The following FBXL4 variants were observed in gnomAD, a reference collection of about 807,000 sequenced individuals.
FBXL4 encodes F-box and leucine rich repeat protein 4, also known as F-box/LRR-repeat protein 4.
A neutral mutation model predicts 58.9 loss-of-function variants in FBXL4; 40 were observed. The ratio of observed to expected loss-of-function variants is 0.68; its 90% CI spans 0.53 to 0.88. The LOEUF is 0.88. Among genes scored for constraint, FBXL4 ranks in the 40% least tolerant of loss-of-function variants. The pLI, the probability that FBXL4 is intolerant of heterozygous loss-of-function variation, is 0.00. For synonymous variants in FBXL4, 263 were observed against 265.5 expected (o/e 0.99, Z 0.09); for missense variants, 676 against 734.4 (o/e 0.92, Z 0.92).
intron 5 of FBXL4, among the ~76,000 whole-genome samples, chr6:98,909,194 A>C (rs1003976721): frequency 2.0e-5 from 3 of 152,212 alleles, no homozygotes; most frequent in African/African-American, 7.2e-5. Flanking sequence ...TTGGCTGTAT[A>C]CTGGACCACC....
intron 8 of FBXL4, among the ~76,000 whole-genome samples, chr6:98,877,023 T>C (rs1278328130): frequency 2.0e-5 from 3 of 152,094 alleles, no homozygotes; most frequent in Non-Finnish European, 4.4e-5. Context: ...AGAAGGAAGC[T>C]CATTGAAGAG....
intron 4 of FBXL4, among the ~76,000 whole-genome samples, chr6:98,923,839 A>G (rs1772675936): frequency 6.6e-6 from 1 of 152,078 alleles, no homozygotes. Context: ...TTTTTTTCAT[A>G]TATATTTTCC....
At chr6:98,927,257 C>T (rs1210902698) in intron 3 of FBXL4, among the ~76,000 whole-genome samples, 197 bp from the exon 4 acceptor site, 1 of 151,954 alleles carries the variant, frequency 6.6e-6, no homozygotes, top group Non-Finnish European at 1.5e-5. Context: ...TATTGTTATG[C>T]ATACAATATG....
Position 98,874,367 on chromosome 6 carries a change from A to C in FBXL4, c.1777T>G (p.Ser593Ala). The C allele has an allele frequency of 6.2e-7, 1 of 1,613,454 alleles. No homozygotes were observed. Among genetic ancestry groups the C allele is most frequent in the Non-Finnish European group, 8.5e-7 (1 of 1,179,716 alleles). Reference protein sequence around the residue: ...SCKDLSLLDVSFCSQIDNRAV... With the variant: ...SCKDLSLLDVAFCSQIDNRAV... ...CTGTTATCAATCTGCGAACAGAAGG[A>C]CACATCAAGTAAAGAAAGATCTTTA... The change falls in exon 10 of 10, where the codon TCC (serine) becomes GCC (alanine). Residue 593 changes from serine (S) to alanine (A), a missense_variant. Coordinates refer to ENST00000369244, the MANE Select transcript of FBXL4 (RefSeq NM_001278716.2).
intron 5 of FBXL4, among the ~76,000 whole-genome samples, chr6:98,910,877 T>C (rs935174805): frequency 6.6e-5 from 10 of 152,108 alleles, no homozygotes; most frequent in Non-Finnish European, 1.2e-4. Context: ...GGGCGAGGCA[T>C]TGCCTCACTT....
intron 8 of FBXL4, among the ~76,000 whole-genome samples, chr6:98,878,736 A>T (rs549138388): frequency 6.6e-6 from 1 of 152,228 alleles, no homozygotes; most frequent in African/African-American, 2.4e-5. Context: ...AACAAGCAGA[A>T]TAAGGTACAT....
At chr6:98,897,364 ATC>A in intron 7 of FBXL4, 1 of 984,152 alleles carries the variant, frequency 1.0e-6, no homozygotes, top group Non-Finnish European at 1.2e-6. Flanking sequence ...GGCTAATATC[ATC>A]TGGCATTCAG....
chr6:98,876,375 C>G (rs188870385), intron 8 of FBXL4, among the ~76,000 whole-genome samples: 23 of 152,220 alleles, frequency 1.5e-4, no homozygotes, highest in Non-Finnish European at 2.8e-4. Flanking sequence ...GCTTTACATG[C>G]TTTAATAATG....
intron 5 of FBXL4, among the ~76,000 whole-genome samples, chr6:98,908,035 G>A (rs563219381): frequency 6.6e-6 from 1 of 152,202 alleles, no homozygotes; most frequent in African/African-American, 2.4e-5. Flanking sequence ...TACCTAGAAC[G>A]ATTGAATAAT....
rs534664847 is a variant in FBXL4 at position 98,896,827 on chromosome 6, C to A, written c.1317+2441G>T. 2.4e-5 allele frequency: 24 copies of A among 983,276 alleles called. No homozygotes were observed. In the South Asian group the frequency reaches 1.1e-3, roughly 44 times the overall value. 60.9% of individuals were successfully genotyped at this position (983,276 alleles called of 1,614,324 possible). ...GAAACCAGAGCTTATGCTATCTAGA[C>A]CTAGGTACATATGTATAAATTTCCA... On this transcript the variant is annotated intron_variant, in intron 7 of 9. Transcript: ENST00000369244.
intron 4 of FBXL4, among the ~76,000 whole-genome samples, 190 bp downstream of exon 4, chr6:98,926,287 T>C (rs1006440700): frequency 3.3e-5 from 5 of 152,196 alleles, no homozygotes; most frequent in African/African-American, 9.6e-5. Flanking sequence ...TATGAGGTAT[T>C]ACAGGTATAA....
rs756894323 is a variant in FBXL4 at position 98,880,548 on chromosome 6, C to T, written c.1389+5G>A. On this transcript the variant is annotated splice_donor_5th_base_variant and intron_variant, in intron 8 of 9. Coordinates refer to ENST00000369244, the MANE Select transcript of FBXL4 (RefSeq NM_001278716.2). ...GAGTAGTATAAAGAATTCTCAAACA[C>T]TTACCATGACACAACTGCCTAAACT... The T allele has an allele frequency of 1.9e-6, 3 of 1,613,130 alleles. No homozygotes were observed. The highest frequency in any genetic ancestry group is 2.5e-6 in the Non-Finnish European group (3 of 1,179,220).
chr6:98,893,443 C>T (rs1771300578), intron 7 of FBXL4, among the ~76,000 whole-genome samples: 1 of 151,966 alleles, frequency 6.6e-6, no homozygotes, highest in Admixed American at 6.6e-5. Flanking sequence ...GTGTGTGTCC[C>T]CTAATCTCCT....
intron 6 of FBXL4, among the ~76,000 whole-genome samples, chr6:98,899,811 A>G (rs1305847603): frequency 6.6e-6 from 1 of 152,206 alleles, no homozygotes; most frequent in Non-Finnish European, 1.5e-5. Context: ...CAAAAACAAA[A>G]AAAAACAGCA....
Position 98,937,688 on chromosome 6 carries a change from T to C in FBXL4, c.-308-2809A>G, listed in dbSNP as rs555351314. Among the ~76,000 whole-genome samples, 17 of 152,268 alleles carry C rather than the reference T, an allele frequency of 1.1e-4. No individual in the cohort carries two copies. In the South Asian group the frequency reaches 2.5e-3, roughly 22 times the overall value. On this transcript the variant is annotated intron_variant, in intron 1 of 9. Transcript: ENST00000369244. ...GGTGCAATTTTGTGGAAATATACTA[T>C]AAATTCTGCCTGACTTTTTGCTATT...
In FBXL4 at chr6:98,869,411, T is replaced by C. The variant is rs1262634112; in HGVS notation, c.*4867A>G. On this transcript the variant is annotated 3_prime_UTR_variant, in exon 10 of 10. Transcript: ENST00000369244. ...ACTACAGGAGGCCAAGGTGGGAAAA[T>C]TATTTGAGCCCAGGAGTTCAAGACC... 6.6e-6 allele frequency: 1 copy of C among 152,056 alleles called. No individual in the cohort carries two copies. Among genetic ancestry groups the C allele is most frequent in the Non-Finnish European group, 1.5e-5 (1 of 68,034 alleles). 9.4% of individuals were successfully genotyped at this position (152,056 alleles called of 1,614,324 possible).
rs1770539147 is a variant in FBXL4, at chr6:98,873,206, TAATA to T, written c.*1068_*1071del. The stretch of plus-strand genomic sequence containing the variant: ...AGCAAGATATATATCTCTCTCTATA[TAATA>T]TATATAATTATATATATGTATATAA... On this transcript the variant is annotated 3_prime_UTR_variant, in exon 10 of 10. Coordinates refer to ENST00000369244, the MANE Select transcript of FBXL4 (RefSeq NM_001278716.2). 1 of 147,764 alleles carries T rather than the reference TAATA, an allele frequency of 6.8e-6. No individual in the cohort carries two copies. Among genetic ancestry groups the T allele is most frequent in the Non-Finnish European group, 1.5e-5 (1 of 67,212 alleles). The allele number at this position is 147,764 out of a possible 1,614,324, so 9.2% of individuals were successfully genotyped here. A position where few individuals can be genotyped will look rare whatever the true frequency, so the allele number is the denominator to read the frequency against.
intron 2 of FBXL4, among the ~76,000 whole-genome samples, chr6:98,931,239 C>T (rs1291121213): frequency 1.3e-5 from 2 of 152,194 alleles, no homozygotes; most frequent in Admixed American, 6.5e-5. Flanking sequence ...ACATACCAAG[C>T]TACAAACTTT....
chr6:98,932,714 G>A (rs1387254597), intron 2 of FBXL4, among the ~76,000 whole-genome samples: 1 of 152,080 alleles, frequency 6.6e-6, no homozygotes, highest in East Asian at 1.9e-4. Context: ...GTAAAGGCTA[G>A]GTTCACAGTG....
Sources: allele counts gnomAD v4.1 joint callset (sites outside exome capture counted in the v4.1 genomes callset), GRCh38; gene constraint gnomAD v4.1.1; transcripts MANE v1.5; gene names NCBI Gene and HGNC (gene_info 2026-07-23, HGNC 2026-07-21).